RSPO2: variants seen among roughly 807,000 people sequenced by gnomAD.
RSPO2 encodes the protein R-spondin-2.
A neutral mutation model predicts 30.9 loss-of-function variants in RSPO2; 14 were observed. The ratio of observed to expected loss-of-function variants is 0.45; its 90% confidence interval spans 0.30 to 0.71. The LOEUF (loss-of-function observed/expected upper bound fraction) is 0.71, where lower values mean the gene tolerates loss of function less well. Among genes scored for constraint, RSPO2 ranks in the 30% least tolerant of loss-of-function variants. RSPO2 has a pLI of 0.08. For synonymous variants in RSPO2, 107 were observed against 96.4 expected (o/e 1.11, Z -0.64); for missense variants, 264 against 301.9 (o/e 0.87, Z 0.93).
chr8:107,929,108 T>C (rs1159420012), intron 5 of RSPO2, among the ~76,000 whole-genome samples: 1 of 152,216 alleles, frequency 6.6e-6, no homozygotes, highest in Non-Finnish European at 1.5e-5. Flanking sequence ...GTGAGTTGTC[T>C]GACTGGTAGT....
chr8:108,008,111 C>G (rs1291026129), intron 2 of RSPO2, among the ~76,000 whole-genome samples: 2 of 152,152 alleles, frequency 1.3e-5, no homozygotes, highest in Non-Finnish European at 2.9e-5. Flanking sequence ...TAGCTATTCT[C>G]TAGAAAGATC....
intron 2 of RSPO2, among the ~76,000 whole-genome samples, chr8:108,048,997 C>T (rs1244420215): frequency 3.3e-5 from 5 of 152,106 alleles, no homozygotes; most frequent in Non-Finnish European, 7.4e-5. Context: ...ATTTCTTAAT[C>T]CTGAGTTCTA....
At chr8:107,951,352 G>A (rs1156366237) in intron 5 of RSPO2, among the ~76,000 whole-genome samples, 1 of 151,984 alleles carries the variant, frequency 6.6e-6, no homozygotes, top group Non-Finnish European at 1.5e-5. Context: ...AGGCCCAACT[G>A]AGAATAAGTT....
At chr8:107,978,936 A>G (rs1215243241) in intron 3 of RSPO2, among the ~76,000 whole-genome samples, 1 of 152,254 alleles carries the variant, frequency 6.6e-6, no homozygotes, top group East Asian at 1.9e-4. Context: ...AAAAATGCTC[A>G]TCATCACTGG....
chr8:107,921,412 A>G (rs1812167496), intron 5 of RSPO2, among the ~76,000 whole-genome samples: 1 of 152,050 alleles, frequency 6.6e-6, no homozygotes, highest in African/African-American at 2.4e-5. Flanking sequence ...GATTTGTGTC[A>G]CATCACTTAT....
At chr8:107,959,910 T>A (rs1283114903) in intron 4 of RSPO2, among the ~76,000 whole-genome samples, 1 of 152,178 alleles carries the variant, frequency 6.6e-6, no homozygotes, top group Non-Finnish European at 1.5e-5. Flanking sequence ...AGTCTCCATT[T>A]TAAGGGAAGT....
Position 108,082,539 on chromosome 8 carries a change from A to AC in RSPO2, c.94+5dup, listed in dbSNP as rs766090514. ...CACCACGCACCTTTGGCAGAGAGGG[A>AC]CCCACCTCGCTTACTGCGTCTCCAT... is the stretch of plus-strand genomic sequence containing the variant. On this transcript the variant is annotated splice_donor_region_variant and intron_variant, in intron 2 of 5. Transcript: ENST00000276659. 1.9e-6 allele frequency: 3 copies of AC among 1,612,126 alleles called. No homozygotes were observed. The South Asian group carries it at 3.3e-5, about 18-fold the overall frequency.
chr8:107,977,921 A>G (rs978489928), intron 3 of RSPO2, among the ~76,000 whole-genome samples: 1 of 151,890 alleles, frequency 6.6e-6, no homozygotes, highest in Non-Finnish European at 1.5e-5. Context: ...GAGCAAGGAG[A>G]TACTAGATCC....
chr8:107,989,324 T>C, intron 2 of RSPO2, 80 bp from the exon 3 acceptor site: 1 of 883,674 alleles, frequency 1.1e-6, no homozygotes. Flanking sequence ...AAAAGACAAA[T>C]GTTTCTTTTC....
At position 108,025,242 on chromosome 8, in the gene RSPO2, C is replaced by G. The variant is rs115363766; in HGVS notation, c.95-35998G>C. ...CAGATTTTGTTTTCTAAATACCATT[C>G]TCAACTAAAAGGAGCTCCTTGGAGA... On this transcript the variant is annotated intron_variant, in intron 2 of 5. Transcript: ENST00000276659. 5.4e-3 allele frequency among the ~76,000 whole-genome samples: 822 copies of G among 152,268 alleles called. 9 individuals are homozygous for G. Among genetic ancestry groups the G allele is most frequent in the African/African-American group, 0.018 (745 of 41,546 alleles).
At chr8:108,072,318 A>ATTT (rs1812871233) in intron 2 of RSPO2, among the ~76,000 whole-genome samples, 1 of 124,616 alleles carries the variant, frequency 8.0e-6, no homozygotes, top group African/African-American at 3.9e-5. Flanking sequence ...ATGGCAGAGA[A>ATTT]CTTTTTTTTT....
intron 5 of RSPO2, among the ~76,000 whole-genome samples, chr8:107,919,443 A>T (rs1222044770): frequency 6.6e-6 from 1 of 152,122 alleles, no homozygotes; most frequent in African/African-American, 2.4e-5. Context: ...TTGACTGGGG[A>T]CTAGACTGCC....
intron 3 of RSPO2, chr8:107,983,054 T>C: frequency 8.3e-7 from 1 of 1,198,774 alleles, no homozygotes; most frequent in East Asian, 2.4e-5. Flanking sequence ...TCCCCTGCAG[T>C]CCCCTCCATG....
rs541875217 is a variant in RSPO2 at position 108,060,849 on chromosome 8, T to C, written c.94+21696A>G. Among the ~76,000 whole-genome samples the C allele has an allele frequency of 9.9e-5, 15 of 151,890 alleles. No individual in the cohort carries two copies. In the South Asian group the frequency reaches 2.5e-3, roughly 25 times the overall value. ...ACAGCAGATCTCTCAAAAGAACCTC[T>C]ACAAGCCAGAAGACAGTGGGGGCCA... is the stretch of plus-strand genomic sequence containing the variant. On this transcript the variant is annotated intron_variant, in intron 2 of 5. Coordinates refer to ENST00000276659, the MANE Select transcript of RSPO2 (RefSeq NM_178565.5).
At chr8:108,074,470 A>G (rs1486244872) in intron 2 of RSPO2, among the ~76,000 whole-genome samples, 1 of 152,236 alleles carries the variant, frequency 6.6e-6, no homozygotes, top group East Asian at 1.9e-4. Flanking sequence ...AAATGTTTCT[A>G]TAATTCATAT....
intron 2 of RSPO2, among the ~76,000 whole-genome samples, chr8:108,025,297 T>A (rs571536279): frequency 1.1e-3 from 169 of 152,096 alleles, no homozygotes; most frequent in Non-Finnish European, 2.1e-3. Flanking sequence ...GGGAAGAGAA[T>A]GTAAAAATCC....
chr8:107,966,960 T>A (rs187461374), intron 3 of RSPO2, among the ~76,000 whole-genome samples: 1 of 152,296 alleles, frequency 6.6e-6, no homozygotes, highest in East Asian at 1.9e-4. Flanking sequence ...GCTGTGGACT[T>A]CAGACTGCCT....
At chr8:108,050,487 TAATTTTTTTATTCTAGACCATAAG>T (rs1382702627) in intron 2 of RSPO2, among the ~76,000 whole-genome samples, 1 of 152,174 alleles carries the variant, frequency 6.6e-6, no homozygotes, top group East Asian at 1.9e-4. Context: ...GGAAATATAT[TAATTTTTTTATTCTAGACCATAAG>T]TATGTAGATT....
At chr8:108,008,114 G>C (rs1348781890) in intron 2 of RSPO2, among the ~76,000 whole-genome samples, 2 of 152,102 alleles carry the variant, frequency 1.3e-5, no homozygotes, top group Non-Finnish European at 2.9e-5. Context: ...CTATTCTCTA[G>C]AAAGATCAGT....
Sources: allele counts gnomAD v4.1 joint callset (sites outside exome capture counted in the v4.1 genomes callset), GRCh38; gene constraint gnomAD v4.1.1; transcripts MANE v1.5; gene names NCBI Gene and HGNC (gene_info 2026-07-23, HGNC 2026-07-21).